Variants in RAP1GAP2 observed in about 807,000 individuals in gnomAD.
The protein encoded by RAP1GAP2 is rap1 GTPase-activating protein 2.
RAP1GAP2 carries 27 observed loss-of-function variants against 95.0 expected under a neutral mutation model. The ratio of observed to expected loss-of-function variants is 0.28; its 90% CI spans 0.21 to 0.39. The LOEUF (loss-of-function observed/expected upper bound fraction) is 0.39, where lower values mean the gene tolerates loss of function less well. Ranked by LOEUF, RAP1GAP2 falls within the 10% of genes least tolerant of loss-of-function variation. The pLI, the probability that RAP1GAP2 is intolerant of heterozygous loss-of-function variation, is 1.00. For synonymous variants in RAP1GAP2, 373 were observed against 380.9 expected, an observed-to-expected ratio of 0.98 and a Z score of 0.24; for missense variants, 771 against 970.0, an observed-to-expected ratio of 0.79 and a Z score of 2.72.
chr17:2,882,293 ATT>A (rs752552125), intron 2 of RAP1GAP2, among the ~76,000 whole-genome samples: 14 of 129,574 alleles, frequency 1.1e-4, no homozygotes, highest in Admixed American at 7.8e-5. Context: ...CGCCCAGCTA[ATT>A]TTTTTTTTTT....
chr17:2,758,180 CCT>C lies in RAP1GAP2; in HGVS notation c.50+2414_50+2415del, dbSNP rs1491136499. ...CACCACGCCTGGCCACGCCCCCCCC[CCT>C]TTTTTTTTTTTAAGATGAAGTCTAC... is the stretch of plus-strand genomic sequence containing the variant. On this transcript the variant is annotated intron_variant, in intron 1 of 25. Coordinates refer to the RAP1GAP2 transcript ENST00000637138. 1.9e-4 allele frequency among the ~76,000 whole-genome samples: 27 copies of C among 138,980 alleles called. No individual in the cohort carries two copies. The East Asian group carries it at 2.8e-3, about 14-fold the overall frequency. 91.2% of individuals were successfully genotyped at this position (138,980 alleles called of 152,430 possible).
At chr17:2,920,000 C>T (rs1597610566) in intron 3 of RAP1GAP2, among the ~76,000 whole-genome samples, 1 of 145,706 alleles carries the variant, frequency 6.9e-6, no homozygotes, top group African/African-American at 2.7e-5. Context: ...CGCATCTGGC[C>T]TCCTTTTTTC....
At chr17:2,841,303 ATTT>A (rs35885315) in intron 2 of RAP1GAP2, among the ~76,000 whole-genome samples, 2 of 126,996 alleles carry the variant, frequency 1.6e-5, no homozygotes, top group African/African-American at 3.0e-5. Context: ...GATATGGGGA[ATTT>A]TTTTTTTTTT....
At chr17:3,001,391 C>T (rs1161846054) in intron 14 of RAP1GAP2, among the ~76,000 whole-genome samples, 1 of 124,404 alleles carries the variant, frequency 8.0e-6, no homozygotes. Flanking sequence ...GTGGAGGTAA[C>T]AGAATCAGCC....
Position 2,871,971 on chromosome 17 carries a change from C to G in RAP1GAP2, c.81-33313C>G, listed in dbSNP as rs558432304. On this transcript the variant is annotated intron_variant, in intron 2 of 24. Transcript: ENST00000254695. This position sits in a 1 kb window ranked among gnomAD's most constrained non-coding sequence, Gnocchi z 5.0. ...AGGCGTGGTGGCTCACGCCTGGAAT[C>G]TCAGCGCTTTTGGAGGCTGAGGTGG... Among the ~76,000 whole-genome samples, 2 of 152,200 alleles carry G rather than the reference C, an allele frequency of 1.3e-5. No homozygotes were observed. Among genetic ancestry groups the G allele is most frequent in the South Asian group, 4.2e-4 (2 of 4,818 alleles).
intron 2 of RAP1GAP2, among the ~76,000 whole-genome samples, chr17:2,881,248 G>C (rs2073276720): frequency 6.7e-6 from 1 of 149,742 alleles, no homozygotes; most frequent in African/African-American, 2.5e-5. Context: ...GGGACAGAGT[G>C]AGACTCTGCC....
chr17:2,814,024 G>A (rs1377248646), intron 2 of RAP1GAP2, among the ~76,000 whole-genome samples: 1 of 152,098 alleles, frequency 6.6e-6, no homozygotes, highest in Non-Finnish European at 1.5e-5. Context: ...TATTTCTGGG[G>A]CAGTGGTATA....
rs1194760415 is a variant in RAP1GAP2 at position 2,906,387 on chromosome 17, A to G, written c.165+1019A>G. Among the ~76,000 whole-genome samples, 1 of 151,696 alleles carries G rather than the reference A, an allele frequency of 6.6e-6. No individual in the cohort carries two copies. Among genetic ancestry groups the G allele is most frequent in the Non-Finnish European group, 1.5e-5 (1 of 67,888 alleles). ...TGTATCCGATACCCATCACATACAG[A>G]GCCATGTGGTATGCCTCGAGGAGCC... On this transcript the variant is annotated intron_variant, in intron 3 of 24. Coordinates refer to ENST00000254695, the MANE Select transcript of RAP1GAP2 (RefSeq NM_015085.5). The surrounding 1 kb of genome is among the most constrained non-coding windows in gnomAD (Gnocchi z 4.3).
chr17:2,763,220 A>G (rs1198812224), intron 1 of RAP1GAP2, among the ~76,000 whole-genome samples: 1 of 152,168 alleles, frequency 6.6e-6, no homozygotes, highest in African/African-American at 2.4e-5. Context: ...CCGAGGATGT[A>G]GTTAGTTGAT....
intron 3 of RAP1GAP2, among the ~76,000 whole-genome samples, chr17:2,909,201 C>CAG (rs1410068316): frequency 2.0e-5 from 3 of 151,942 alleles, no homozygotes; most frequent in Non-Finnish European, 4.4e-5. Flanking sequence ...GGGGTCTCTG[C>CAG]AGAGGAGGCT....
In RAP1GAP2 at chr17:3,026,345, T is replaced by G; in HGVS notation, c.1866-5T>G. The G allele has an allele frequency of 6.5e-7, 1 of 1,548,174 alleles. No homozygotes were observed. The highest frequency in any genetic ancestry group is 8.7e-7 in the Non-Finnish European group (1 of 1,144,322). On this transcript the variant is annotated splice_polypyrimidine_tract_variant and splice_region_variant and intron_variant, in intron 20 of 24. Transcript: ENST00000254695. ...CGGGCTGGCCTCACTTCCTATTCCC[T>G]GCAGGCCCTTCATGAAGTTGAAGGA...
At position 3,001,592 on chromosome 17, in the gene RAP1GAP2, G is replaced by T. The variant is rs9911760; in HGVS notation, c.1200+3216G>T. Among the ~76,000 whole-genome samples the T allele has an allele frequency of 8.8e-4, 54 of 61,668 alleles. 3 individuals are homozygous for T. Among genetic ancestry groups the T allele is most frequent in the African/African-American group, 1.7e-3 (25 of 14,794 alleles). The allele number at this position is 61,668 out of a possible 152,430, so 40.5% of individuals were successfully genotyped here. On this transcript the variant is annotated intron_variant, in intron 14 of 24. Transcript: ENST00000254695. The stretch of plus-strand genomic sequence containing the variant: ...GAAGTGAGGCTCGTGGAGGTAACAA[G>T]ATCAGCCTCAGGGCCTTCCTGATGC...
intron 3 of RAP1GAP2, among the ~76,000 whole-genome samples, chr17:2,929,666 C>T (rs1187266000): frequency 1.3e-5 from 2 of 152,228 alleles, no homozygotes; most frequent in East Asian, 1.9e-4. Flanking sequence ...CACTGCCTTT[C>T]ATGTGTCAAG....
In RAP1GAP2 at chr17:2,873,911, C is replaced by T. The variant is rs200224400; in HGVS notation, c.81-31373C>T. ...CCGAGTAGCTGGGATTACAGGCATG[C>T]GCCACCACGCCTGGCTAATTCTGTA... is the stretch of plus-strand genomic sequence containing the variant. On this transcript the variant is annotated intron_variant, in intron 2 of 24. Transcript: ENST00000254695. Among the ~76,000 whole-genome samples the T allele has an allele frequency of 5.5e-3, 828 of 151,236 alleles. 9 individuals are homozygous for T. Among genetic ancestry groups the T allele is most frequent in the African/African-American group, 0.018 (762 of 41,198 alleles).
At chr17:2,910,483 T>C (rs2042336255) in intron 3 of RAP1GAP2, among the ~76,000 whole-genome samples, 2 of 152,150 alleles carry the variant, frequency 1.3e-5, no homozygotes, top group Admixed American at 1.3e-4. Context: ...GGTTCATGAA[T>C]CAGTTCTCTG....
chr17:2,893,672 C>T (rs531607422), intron 2 of RAP1GAP2, among the ~76,000 whole-genome samples: 1 of 152,230 alleles, frequency 6.6e-6, no homozygotes, highest in Non-Finnish European at 1.5e-5. Flanking sequence ...AGGCCGTGAC[C>T]TTGTGCGCTG....
At chr17:2,947,908 C>G (rs576350173) in intron 3 of RAP1GAP2, among the ~76,000 whole-genome samples, 1 of 152,132 alleles carries the variant, frequency 6.6e-6, no homozygotes, top group Admixed American at 6.5e-5. Context: ...TGCTTCTCCC[C>G]CCAGCACTTT....
intron 17 of RAP1GAP2, among the ~76,000 whole-genome samples, chr17:3,013,808 C>A (rs1030858989): frequency 6.6e-6 from 1 of 151,938 alleles, no homozygotes; most frequent in Non-Finnish European, 1.5e-5. Context: ...CTCTTACCTG[C>A]TATGTGGGCT....
At chr17:2,876,838 G>A (rs1040802923) in intron 2 of RAP1GAP2, among the ~76,000 whole-genome samples, 2 of 152,038 alleles carry the variant, frequency 1.3e-5, no homozygotes, top group South Asian at 2.1e-4. Context: ...TGAGGGGAAG[G>A]GTCATCAGTT....
Sources: allele counts gnomAD v4.1 joint callset (sites outside exome capture counted in the v4.1 genomes callset), GRCh38; gene constraint gnomAD v4.1.1; non-coding constraint Gnocchi (gnomAD v3.1); transcripts MANE v1.5; gene names NCBI Gene and HGNC (gene_info 2026-07-23, HGNC 2026-07-21).